The following PRICKLE1 variants were observed in gnomAD, a reference collection of about 807,000 sequenced individuals.
PRICKLE1 encodes prickle-like protein 1.
PRICKLE1 carries 14 observed loss-of-function variants against 70.2 expected under a neutral mutation model. The ratio of observed to expected loss-of-function variants is 0.20; its 90% CI spans 0.13 to 0.31. The LOEUF is 0.31. PRICKLE1 is among the 10% of genes least tolerant of loss of function. The pLI, the probability that PRICKLE1 is intolerant of heterozygous loss-of-function variation, is 1.00. For missense variants in PRICKLE1, 821 were observed against 1,026.2 expected (o/e 0.80, Z 2.73); for synonymous variants, 357 against 379.9 (o/e 0.94, Z 0.70).
chr12:42,589,087 C>T lies in PRICKLE1; in HGVS notation c.-49+378G>A, dbSNP rs989977503. ...GGACGCCAGTAGGTGACAGGCGATC[C>T]TAAGCGGCGGGAACACGCCAACGCA... On this transcript the variant is annotated intron_variant, in intron 1 of 7. Coordinates refer to ENST00000345127, the MANE Select transcript of PRICKLE1 (RefSeq NM_153026.3). The surrounding 1 kb of genome is among the most constrained non-coding windows in gnomAD (Gnocchi z 5.0). 2.6e-5 allele frequency: 4 copies of T among 152,236 alleles called. No homozygotes were observed. Among genetic ancestry groups the T allele is most frequent in the Non-Finnish European group, 4.4e-5 (3 of 68,084 alleles). 9.4% of individuals were successfully genotyped at this position (152,236 alleles called of 1,614,324 possible).
chr12:42,475,352 T>G (rs1938481010), intron 1 of PRICKLE1, among the ~76,000 whole-genome samples: 1 of 152,218 alleles, frequency 6.6e-6, no homozygotes, highest in Non-Finnish European at 1.5e-5. Flanking sequence ...ATTTAATCAC[T>G]GCATCAAGCA....
At chr12:42,521,625 TGCTAGGTGGAGGTG>T (rs969767787) in intron 1 of PRICKLE1, among the ~76,000 whole-genome samples, 2 of 151,906 alleles carry the variant, frequency 1.3e-5, no homozygotes, top group Non-Finnish European at 1.5e-5. Flanking sequence ...CGCTTAAGCC[TGCTAGGTGGAGGTG>T]GCAGTGAGCT....
chr12:42,522,708 T>G (rs998687675), intron 1 of PRICKLE1, among the ~76,000 whole-genome samples: 1 of 152,182 alleles, frequency 6.6e-6, no homozygotes, highest in African/African-American at 2.4e-5. Context: ...CAAATAAGTT[T>G]TATTACTTTG....
rs1244291615 is a variant in PRICKLE1, at chr12:42,458,435, G to A, written c.*1374C>T. The A allele has an allele frequency of 2.0e-5, 3 of 152,222 alleles. No homozygotes were observed. The highest frequency in any genetic ancestry group is 4.8e-5 in the African/African-American group (2 of 41,460). 9.4% of individuals were successfully genotyped at this position (152,222 alleles called of 1,614,324 possible). On this transcript the variant is annotated 3_prime_UTR_variant, in exon 8 of 8. Coordinates refer to ENST00000345127, the MANE Select transcript of PRICKLE1 (RefSeq NM_153026.3). Reference sequence around the variant, plus strand: ...TAGAACCTTTAGTTAGGACTGAGATGTATATGCAAGAGTGGCACATATCAA... The same window carrying A: ...TAGAACCTTTAGTTAGGACTGAGATATATATGCAAGAGTGGCACATATCAA...
At chr12:42,588,786 G>A (rs1941026451) in intron 1 of PRICKLE1, among the ~76,000 whole-genome samples, 2 of 152,154 alleles carry the variant, frequency 1.3e-5, no homozygotes, top group South Asian at 4.1e-4. Flanking sequence ...CACTGGCGAT[G>A]CCGTTTGTTT....
chr12:42,472,701 CCCCCAGG>C lies in PRICKLE1; in HGVS notation c.-48-144_-48-138del, dbSNP rs1347160388. ...AGTAACCAAATTACTACTGTCACCA[CCCCCAGG>C]CCCCAGGCCCCCTGAAATTTAAAAT... is the stretch of plus-strand genomic sequence containing the variant. On this transcript the variant is annotated intron_variant, in intron 1 of 7. Coordinates refer to ENST00000345127, the MANE Select transcript of PRICKLE1 (RefSeq NM_153026.3). The C allele has an allele frequency of 1.1e-5, 8 of 702,128 alleles. No individual in the cohort carries two copies. The East Asian group carries it at 1.9e-4, about 17-fold the overall frequency. 43.5% of individuals were successfully genotyped at this position (702,128 alleles called of 1,614,324 possible).
Position 42,469,661 on chromosome 12 carries a change from AG to A in PRICKLE1, c.247-75del, listed in dbSNP as rs557064056. The A allele has an allele frequency of 3.4e-4, 542 of 1,595,138 alleles. 2 individuals are homozygous for A. The highest frequency in any genetic ancestry group is 9.8e-4 in the South Asian group (89 of 90,582). On this transcript the variant is annotated intron_variant, in intron 3 of 7. Coordinates refer to ENST00000345127, the MANE Select transcript of PRICKLE1 (RefSeq NM_153026.3). Reference sequence around the variant, plus strand: ...TCACCAGTTCTCTACTTCCAGAGTTAGGGTTTCAGGAAGTGAAACAGTAAGT... The same window carrying A: ...TCACCAGTTCTCTACTTCCAGAGTTAGGTTTCAGGAAGTGAAACAGTAAGT...
chr12:42,564,253 TAAA>T (rs145741201), intron 1 of PRICKLE1, among the ~76,000 whole-genome samples: 1 of 14,748 alleles, frequency 6.8e-5, no homozygotes, highest in Non-Finnish European at 1.3e-4. Context: ...AGACTCTGTC[TAAA>T]AAAAAAAAAA....
At chr12:42,562,550 T>G (rs754804220) in intron 1 of PRICKLE1, among the ~76,000 whole-genome samples, 8 of 151,100 alleles carry the variant, frequency 5.3e-5, no homozygotes, top group Non-Finnish European at 1.0e-4. Flanking sequence ...AAGAAAAAAT[T>G]AAAACTAAAA....
chr12:42,465,749 CAT>C, intron 6 of PRICKLE1: 1 of 284,562 alleles, frequency 3.5e-6, no homozygotes. Flanking sequence ...AGAGAAAAGA[CAT>C]GTATTACGTA....
chr12:42,521,852 C>T (rs1939713527), intron 1 of PRICKLE1, among the ~76,000 whole-genome samples: 1 of 151,792 alleles, frequency 6.6e-6, no homozygotes, highest in African/African-American at 2.4e-5. Context: ...AGTGAAACCA[C>T]TCCTCTTAGA....
At chr12:42,583,963 G>A in intron 1 of PRICKLE1, among the ~76,000 whole-genome samples, 1 of 152,108 alleles carries the variant, frequency 6.6e-6, no homozygotes, top group Non-Finnish European at 1.5e-5. Flanking sequence ...AGTCCTGAGA[G>A]TGTATATTTT....
At position 42,582,454 on chromosome 12, in the gene PRICKLE1, T is replaced by A. The variant is rs192438690; in HGVS notation, c.-49+7011A>T. Among the ~76,000 whole-genome samples, 11 of 152,388 alleles carry A rather than the reference T, an allele frequency of 7.2e-5. No homozygotes were observed. The South Asian group carries it at 2.1e-3, about 29-fold the overall frequency. The stretch of plus-strand genomic sequence containing the variant: ...ACAAGAAACATCTGTGATTCTCTAA[T>A]GCGCTTCAGACCTAACTTTATCTCT... On this transcript the variant is annotated intron_variant, in intron 1 of 7. Transcript: ENST00000345127.
rs1937630056 is a variant in PRICKLE1 at position 42,457,365 on chromosome 12, A to G, written c.*2444T>C. On this transcript the variant is annotated 3_prime_UTR_variant, in exon 8 of 8. Transcript: ENST00000345127. ...ATCACCTGTTTACTATTTATTATCC[A>G]TCCTTTATAAGCAACATATTGCAAC... 1 of 152,156 alleles carries G rather than the reference A, an allele frequency of 6.6e-6. No homozygotes were observed. The highest frequency in any genetic ancestry group is 6.5e-5 in the Admixed American group (1 of 15,274). 9.4% of individuals were successfully genotyped at this position (152,156 alleles called of 1,614,324 possible). A position where few individuals can be genotyped will look rare whatever the true frequency, so the allele number is the denominator to read the frequency against.
At chr12:42,524,132 A>G (rs1451434791) in intron 1 of PRICKLE1, among the ~76,000 whole-genome samples, 65 of 152,246 alleles carry the variant, frequency 4.3e-4, no homozygotes, top group Admixed American at 4.3e-3. Context: ...CAGCAAGCAC[A>G]TGTACAAGCC....
At chr12:42,533,003 G>A (rs1939948198) in intron 1 of PRICKLE1, among the ~76,000 whole-genome samples, 1 of 152,124 alleles carries the variant, frequency 6.6e-6, no homozygotes, top group Non-Finnish European at 1.5e-5. Context: ...CATGTTGCTA[G>A]TGGTTACAGT....
At chr12:42,510,146 G>A (rs1939486440) in intron 1 of PRICKLE1, among the ~76,000 whole-genome samples, 1 of 151,758 alleles carries the variant, frequency 6.6e-6, no homozygotes, top group Admixed American at 6.6e-5. Context: ...CCAGGCTGGA[G>A]TGCAGTGGCG....
At chr12:42,512,089 T>A (rs1939522202) in intron 1 of PRICKLE1, among the ~76,000 whole-genome samples, 1 of 150,498 alleles carries the variant, frequency 6.6e-6, no homozygotes, top group East Asian at 2.0e-4. Context: ...GCTCCAGTGA[T>A]GTGCCTGAAT....
At chr12:42,489,072 C>A (rs984365653) in intron 1 of PRICKLE1, among the ~76,000 whole-genome samples, 2 of 151,590 alleles carry the variant, frequency 1.3e-5, no homozygotes, top group Admixed American at 1.3e-4. Flanking sequence ...TACAGGCATG[C>A]GCAACCACGC....
Sources: allele counts gnomAD v4.1 joint callset (sites outside exome capture counted in the v4.1 genomes callset), GRCh38; gene constraint gnomAD v4.1.1; non-coding constraint Gnocchi (gnomAD v3.1); transcripts MANE v1.5; gene names NCBI Gene and HGNC (gene_info 2026-07-23, HGNC 2026-07-21).